Variants in COG7 observed in about 807,000 individuals in gnomAD.
COG7 encodes component of oligomeric golgi complex 7.
In COG7, 49 loss-of-function variants were observed where a neutral mutation model predicts 91.5. The observed-to-expected ratio is 0.54, with a 90% CI of 0.43 to 0.68. The LOEUF (loss-of-function observed/expected upper bound fraction) is 0.68, where lower values mean the gene tolerates loss of function less well. COG7 is among the 30% of genes least tolerant of loss of function. The pLI is 0.00. For synonymous variants in COG7, 365 were observed against 388.7 expected (o/e 0.94, Z 0.72); for missense variants, 895 against 961.3 (o/e 0.93, Z 0.91).
intron 1 of COG7, among the ~76,000 whole-genome samples, chr16:23,451,712 T>TGA (rs1964268499): frequency 8.0e-6 from 1 of 124,992 alleles, no homozygotes; most frequent in South Asian, 2.5e-4. Context: ...GAATGAGGAA[T>TGA]GAGACCCTGT....
chr16:23,408,853 G>A lies in COG7; in HGVS notation c.1475+1442C>T, dbSNP rs1376500906. On this transcript the variant is annotated intron_variant, in intron 11 of 16. Transcript: ENST00000307149. ...GTAAGGAGAGACTGGTTAGGAGCACGAATGGGGACACAATAGATAAAAGAT... is the reference window on the plus strand; with the variant it reads ...GTAAGGAGAGACTGGTTAGGAGCACAAATGGGGACACAATAGATAAAAGAT... Among the ~76,000 whole-genome samples, 7 of 151,936 alleles carry A rather than the reference G, an allele frequency of 4.6e-5. No individual in the cohort carries two copies. The South Asian group carries it at 8.3e-4, about 18-fold the overall frequency.
Position 23,430,614 on chromosome 16 carries a change from T to C in COG7, c.810+2931A>G, listed in dbSNP as rs552148282. On this transcript the variant is annotated intron_variant, in intron 6 of 16. Transcript: ENST00000307149. The stretch of plus-strand genomic sequence containing the variant: ...TGGAGTGCAGTGGCACAATCTCGGC[T>C]CACAGCAACCTCCACCTCCCAGGTT... Among the ~76,000 whole-genome samples the C allele has an allele frequency of 1.2e-3, 185 of 151,892 alleles. 1 individual carries two copies. Among genetic ancestry groups the C allele is most frequent in the South Asian group, 9.2e-3 (44 of 4,806 alleles).
intron 6 of COG7, among the ~76,000 whole-genome samples, chr16:23,432,146 CAAACA>C (rs1046700132): frequency 6.6e-6 from 1 of 152,084 alleles, no homozygotes; most frequent in African/African-American, 2.4e-5. Context: ...GACTCTGTCT[CAAACA>C]AAACAAAACA....
chr16:23,395,238 A>G (rs1439145054), intron 14 of COG7, among the ~76,000 whole-genome samples: 1 of 152,190 alleles, frequency 6.6e-6, no homozygotes, highest in East Asian at 1.9e-4. Flanking sequence ...GCTACTGTAA[A>G]TTTCAGCTTG....
At chr16:23,401,576 G>A (rs30016) in intron 13 of COG7, among the ~76,000 whole-genome samples, 31,590 of 152,058 alleles carry the variant, frequency 0.21, 3,492 homozygotes, top group East Asian at 0.3. Flanking sequence ...GTGAGGGAGG[G>A]GACAGGAGAG....
chr16:23,452,833 G>A lies in COG7; in HGVS notation c.162C>T (p.Ala54=), dbSNP rs1400649738. 2.5e-6 allele frequency: 4 copies of A among 1,612,412 alleles called. No homozygotes were observed. Among genetic ancestry groups the A allele is most frequent in the Non-Finnish European group, 3.4e-6 (4 of 1,179,514 alleles). ...LQLFIQEVNH[A]VEETSHQALQ... ...GGGCCCCGAGCGGCTCACCCTCCACGGCGTGGTTCACCTCTTGGATGAACA... is the reference window on the plus strand; with the variant it reads ...GGGCCCCGAGCGGCTCACCCTCCACAGCGTGGTTCACCTCTTGGATGAACA... The change falls in exon 1 of 17, where the codon GCC becomes GCT. Residue 54 remains alanine (A), a synonymous_variant. Transcript: ENST00000307149.
At chr16:23,447,755 C>T (rs1336687095) in intron 1 of COG7, among the ~76,000 whole-genome samples, 1 of 151,562 alleles carries the variant, frequency 6.6e-6, no homozygotes, top group African/African-American at 2.4e-5. Flanking sequence ...CAAAAATTAG[C>T]TGGGTGTGGT....
At chr16:23,444,787 T>C (rs1203817565) in intron 3 of COG7, among the ~76,000 whole-genome samples, 1 of 152,144 alleles carries the variant, frequency 6.6e-6, no homozygotes, top group Non-Finnish European at 1.5e-5. Context: ...ATTTCAGGTA[T>C]GAGCCACAGT....
At chr16:23,391,155 GTC>G (rs983876691) in intron 16 of COG7, among the ~76,000 whole-genome samples, 1 of 152,162 alleles carries the variant, frequency 6.6e-6, no homozygotes, top group Admixed American at 6.6e-5. Context: ...AAGCTTTGTT[GTC>G]TCTATCTCCT....
At chr16:23,397,083 CT>C (rs1378364296) in intron 14 of COG7, among the ~76,000 whole-genome samples, 2 of 152,106 alleles carry the variant, frequency 1.3e-5, no homozygotes, top group Admixed American at 6.6e-5. Flanking sequence ...TAATTTTTTA[CT>C]TTTTTGTAGA....
At chr16:23,435,907 A>G (rs1034541939) in intron 4 of COG7, among the ~76,000 whole-genome samples, 1 of 152,248 alleles carries the variant, frequency 6.6e-6, no homozygotes, top group African/African-American at 2.4e-5. Flanking sequence ...TTTTCATAAG[A>G]ACACTTAAAT....
At chr16:23,442,420 C>G in intron 4 of COG7, 57 bp downstream of exon 4, 5 of 1,503,076 alleles carry the variant, frequency 3.3e-6, no homozygotes, top group Non-Finnish European at 3.7e-6. Context: ...TGAAGACTTA[C>G]AAGGCCTTAT....
At chr16:23,421,633 T>C (rs1457040616) in intron 7 of COG7, among the ~76,000 whole-genome samples, 1 of 151,770 alleles carries the variant, frequency 6.6e-6, no homozygotes, top group African/African-American at 2.4e-5. Flanking sequence ...TCTAAGAACC[T>C]GGCAATGACA....
intron 10 of COG7, chr16:23,412,920 A>C (rs1242619945): frequency 6.1e-6 from 1 of 163,778 alleles, no homozygotes; most frequent in Non-Finnish European, 1.3e-5. Flanking sequence ...TACTGACCTC[A>C]AGTGATCTGC....
intron 1 of COG7, among the ~76,000 whole-genome samples, chr16:23,452,160 T>C (rs1330121728): frequency 6.6e-6 from 1 of 152,266 alleles, no homozygotes; most frequent in African/African-American, 2.4e-5. Context: ...AAGATCCATC[T>C]TGTCTTCCAG....
chr16:23,448,813 T>C (rs906293633), intron 1 of COG7, among the ~76,000 whole-genome samples: 2 of 152,212 alleles, frequency 1.3e-5, no homozygotes, highest in Non-Finnish European at 2.9e-5. Context: ...CCGAGCAAGT[T>C]ACTTAACTTC....
chr16:23,411,534 T>C (rs1963561640), intron 10 of COG7, among the ~76,000 whole-genome samples: 1 of 152,246 alleles, frequency 6.6e-6, no homozygotes, highest in Non-Finnish European at 1.5e-5. Context: ...AGTTCCGGGA[T>C]ACATGTGTAG....
chr16:23,406,413 C>T, intron 11 of COG7, 151 bp from the exon 12 acceptor site: 1 of 741,994 alleles, frequency 1.3e-6, no homozygotes, highest in Non-Finnish European at 2.4e-6. Context: ...AAAGGCTGCC[C>T]TTCATCATTG....
At chr16:23,409,641 G>A (rs1963530484) in intron 11 of COG7, among the ~76,000 whole-genome samples, 3 of 152,140 alleles carry the variant, frequency 2.0e-5, no homozygotes, top group Admixed American at 1.3e-4. Context: ...GCCATACCAA[G>A]GGAATCAAGA....
Sources: gnomAD v4.1 joint callset for allele counts (sites outside exome capture counted in the v4.1 genomes callset) on GRCh38, gnomAD v4.1.1 for gene constraint, MANE v1.5 for transcripts, NCBI Gene and HGNC (gene_info 2026-07-23, HGNC 2026-07-21) for gene names.